The following CYP26B1 variants were observed in gnomAD, a reference collection of about 807,000 sequenced individuals.
CYP26B1 encodes the protein cytochrome P450 26B1.
A neutral mutation model predicts 39.1 loss-of-function variants in CYP26B1; 8 were observed. The observed-to-expected ratio is 0.20, with a 90% CI of 0.12 to 0.37. The LOEUF is 0.37. Among genes scored for constraint, CYP26B1 ranks in the 10% least tolerant of loss-of-function variants. The pLI is 1.00. For missense variants in CYP26B1, 615 were observed against 707.0 expected, an observed-to-expected ratio of 0.87 and a Z score of 1.48; for synonymous variants, 321 against 314.3, an observed-to-expected ratio of 1.02 and a Z score of -0.23.
At chr2:72,143,942 C>T in intron 2 of CYP26B1, 47 bp downstream of exon 2, 3 of 1,606,824 alleles carry the variant, frequency 1.9e-6, no homozygotes, top group Non-Finnish European at 2.6e-6. Flanking sequence ...CTCCTTGCCC[C>T]GAGGTGGGGG....
intron 2 of CYP26B1, among the ~76,000 whole-genome samples, chr2:72,138,248 C>CTGT (rs959523362): frequency 2.0e-5 from 3 of 152,170 alleles, no homozygotes; most frequent in African/African-American, 7.2e-5. Flanking sequence ...ATCCCTGGGT[C>CTGT]TGTGCCCGGG....
rs368359231 is a variant in CYP26B1 at position 72,135,450 on chromosome 2, G to A, written c.430-31C>T. 105 of 1,602,516 alleles carry A rather than the reference G, an allele frequency of 6.6e-5. 1 individual carries two copies. Among genetic ancestry groups the A allele is most frequent in the East Asian group, 1.1e-4 (5 of 44,890 alleles). ...AGGCAGAGAGGCAAGTGGGTGAGCC[G>A]ATTGGCACAGCCCACCCCTGGCCAG... On this transcript the variant is annotated intron_variant, in intron 2 of 5. Coordinates refer to ENST00000001146, the MANE Select transcript of CYP26B1 (RefSeq NM_019885.4).
At position 72,144,123 on chromosome 2, in the gene CYP26B1, C is replaced by A. The variant is rs749249065; in HGVS notation, c.295G>T (p.Ala99Ser). The A allele has an allele frequency of 6.2e-7, 1 of 1,611,646 alleles. No individual in the cohort carries two copies. Among genetic ancestry groups the A allele is most frequent in the Non-Finnish European group, 8.5e-7 (1 of 1,177,964 alleles). The change falls in exon 2 of 6, where the codon GCG becomes TCG. Residue 99 changes from alanine to serine, a missense_variant. Coordinates refer to ENST00000001146, the MANE Select transcript of CYP26B1 (RefSeq NM_019885.4). ...ATGAGGATCTTGCGCACGTTCTCCG[C>A]GCCGGTCACGCGTATCAGCGGCCGC... ...LGRPLIRVTG[A>S]ENVRKILMGE...
intron 3 of CYP26B1, 96 bp downstream of exon 3, chr2:72,135,048 T>C: frequency 6.2e-7 from 1 of 1,601,956 alleles, no homozygotes; most frequent in Non-Finnish European, 8.5e-7. Flanking sequence ...GCCCTGTGCC[T>C]AGGTGCCCAT....
At position 72,143,974 on chromosome 2, in the gene CYP26B1, G is replaced by T. The variant is rs756705420; in HGVS notation, c.429+15C>A. 1 of 1,613,032 alleles carries T rather than the reference G, an allele frequency of 6.2e-7. No individual in the cohort carries two copies. The highest frequency in any genetic ancestry group is 1.1e-5 in the South Asian group (1 of 91,072). ...GGGGAGGGATTGCGCGGAAGAAAAC[G>T]GGCAGAGTTCTTACCTTGCGCTTGT... On this transcript the variant is annotated intron_variant, in intron 2 of 5. Transcript: ENST00000001146.
In CYP26B1 at chr2:72,145,671, G is replaced by A. The variant is rs569987487; in HGVS notation, c.205-1458C>T. On this transcript the variant is annotated intron_variant, in intron 1 of 5. Transcript: ENST00000001146. ...TCTTTTCTTTCAACACAAAAGTTGG[G>A]TTGTGAATTTTCCGAGGTCGCCGCC... Among the ~76,000 whole-genome samples, 6 of 152,188 alleles carry A rather than the reference G, an allele frequency of 3.9e-5. No individual in the cohort carries two copies. The East Asian group carries it at 1.2e-3, about 29-fold the overall frequency.
At chr2:72,141,911 A>G (rs1676954967) in intron 2 of CYP26B1, among the ~76,000 whole-genome samples, 1 of 151,872 alleles carries the variant, frequency 6.6e-6, no homozygotes, top group Non-Finnish European at 1.5e-5. Context: ...CAAGCATAAA[A>G]CTGCTACACA....
At chr2:72,140,046 G>C (rs968571432) in intron 2 of CYP26B1, among the ~76,000 whole-genome samples, 7 of 152,264 alleles carry the variant, frequency 4.6e-5, no homozygotes, top group African/African-American at 1.7e-4. Context: ...GCCAGCATGG[G>C]GGGCCCAGGG....
At chr2:72,143,927 A>C in intron 2 of CYP26B1, 62 bp downstream of exon 2, 2 of 1,587,500 alleles carry the variant, frequency 1.3e-6, no homozygotes, top group South Asian at 1.1e-5. Context: ...CCCGGGCTCC[A>C]GGAACTCCTT....
rs558926542 is a variant in CYP26B1, at chr2:72,137,113, C to T, written c.430-1694G>A. ...CCAGGACCTACTAGGGGTTCTGTCA[C>T]GAAGAGTGCAGGGTAGGGGCTGGCC... On this transcript the variant is annotated intron_variant, in intron 2 of 5. Coordinates refer to ENST00000001146, the MANE Select transcript of CYP26B1 (RefSeq NM_019885.4). Among the ~76,000 whole-genome samples the T allele has an allele frequency of 3.4e-4, 52 of 152,274 alleles. No individual in the cohort carries two copies. In the South Asian group the frequency reaches 8.1e-3, roughly 24 times the overall value.
chr2:72,146,523 G>T (rs1340498367), intron 1 of CYP26B1, among the ~76,000 whole-genome samples: 1 of 152,252 alleles, frequency 6.6e-6, no homozygotes, highest in Non-Finnish European at 1.5e-5. Flanking sequence ...TCCCGGGGCA[G>T]GGTGAGTGCG....
chr2:72,141,485 G>A (rs900805903), intron 2 of CYP26B1, among the ~76,000 whole-genome samples: 3 of 152,160 alleles, frequency 2.0e-5, no homozygotes, highest in East Asian at 1.9e-4. Flanking sequence ...AAACAGTGAC[G>A]CTCCAGTTCC....
Position 72,147,696 on chromosome 2 carries a change from G to C in CYP26B1, c.139C>G (p.Leu47Val). ...CCCATGGATCCCTTGGGGATGGGCA[G>C]CTTGCAGCTCTTGTCGCGAGTGGCG... Reference protein sequence around the residue: ...WAATRDKSCKLPIPKGSMGFP... With the variant: ...WAATRDKSCKVPIPKGSMGFP... The change falls in exon 1 of 6, where the codon CTG becomes GTG. Residue 47 changes from leucine (L) to valine (V), a missense_variant. Transcript: ENST00000001146. The surrounding 1 kb of genome is among the most constrained non-coding windows in gnomAD (Gnocchi z 6.1). The C allele has an allele frequency of 6.2e-7, 1 of 1,608,692 alleles. No homozygotes were observed. Among genetic ancestry groups the C allele is most frequent in the Non-Finnish European group, 8.5e-7 (1 of 1,178,006 alleles).
rs1286205679 is a variant in CYP26B1 at position 72,133,058 on chromosome 2, C to T, written c.1111G>A (p.Gly371Ser). Residue 371 changes from glycine (G) to serine (S), a missense_variant, in exon 5 of 6, where the codon GGC becomes AGC. Transcript: ENST00000001146. The stretch of plus-strand genomic sequence containing the variant: ...AAGGTCTGCAGCACAGTGCGGTAGC[C>T]GCCGGAAATGGGCGTGAACAGGCGC... ...VMRLFTPISG[G>S]YRTVLQTFEL... 13 of 1,613,256 alleles carry T rather than the reference C, an allele frequency of 8.1e-6. No homozygotes were observed. In the East Asian group the frequency reaches 1.6e-4, roughly 19 times the overall value.
intron 2 of CYP26B1, among the ~76,000 whole-genome samples, chr2:72,141,668 C>T (rs540244236): frequency 3.3e-4 from 50 of 152,358 alleles, no homozygotes; most frequent in African/African-American, 1.2e-3. Flanking sequence ...GTGAGTTCAC[C>T]GGGCCTTGGG....
chr2:72,138,674 G>C (rs1048862650), intron 2 of CYP26B1, among the ~76,000 whole-genome samples: 1 of 152,152 alleles, frequency 6.6e-6, no homozygotes, highest in Non-Finnish European at 1.5e-5. Context: ...CCAGGGGAGA[G>C]CAAGGGCACT....
intron 1 of CYP26B1, among the ~76,000 whole-genome samples, chr2:72,144,688 G>A (rs1157218809): frequency 2.6e-5 from 4 of 152,244 alleles, no homozygotes. Context: ...ACAGATGGGG[G>A]TTGGAGTTTC....
Position 72,130,453 on chromosome 2 carries a change from T to A in CYP26B1, c.*1774A>T, listed in dbSNP as rs1676532618. 1 of 152,156 alleles carries A rather than the reference T, an allele frequency of 6.6e-6. No homozygotes were observed. The highest frequency in any genetic ancestry group is 2.1e-4 in the South Asian group (1 of 4,810). 9.4% of individuals were successfully genotyped at this position (152,156 alleles called of 1,614,324 possible). A position where few individuals can be genotyped will look rare whatever the true frequency, so the allele number is the denominator to read the frequency against. On this transcript the variant is annotated 3_prime_UTR_variant, in exon 6 of 6. Coordinates refer to ENST00000001146, the MANE Select transcript of CYP26B1 (RefSeq NM_019885.4). The stretch of plus-strand genomic sequence containing the variant: ...GGTATGGGCCCGTTCCTATAGTCTA[T>A]CTTCAGGGTGGCTGTGAGTGGGGTC...
intron 2 of CYP26B1, among the ~76,000 whole-genome samples, chr2:72,137,943 T>C (rs1572926373): frequency 6.6e-6 from 1 of 152,284 alleles, no homozygotes; most frequent in Middle Eastern, 3.4e-3. Flanking sequence ...GCGTCTGACT[T>C]GCTGAGTGAC....
Sources: allele counts gnomAD v4.1 joint callset (sites outside exome capture counted in the v4.1 genomes callset), GRCh38; gene constraint gnomAD v4.1.1; non-coding constraint Gnocchi (gnomAD v3.1); transcripts MANE v1.5; gene names NCBI Gene and HGNC (gene_info 2026-07-23, HGNC 2026-07-21).